RFX7: variants seen among roughly 807,000 people sequenced by gnomAD.
RFX7 encodes the protein DNA-binding protein RFX7.
Under a neutral mutation model 111.8 loss-of-function variants are expected in RFX7, and 26 were observed. That is an observed-to-expected ratio of 0.23 (90% CI 0.17 to 0.32). The LOEUF (loss-of-function observed/expected upper bound fraction) is 0.32. Among genes scored for constraint, RFX7 ranks in the 10% least tolerant of loss-of-function variants. The pLI, the probability that RFX7 is intolerant of heterozygous loss-of-function variation, is 1.00. For missense variants in RFX7, 1,573 were observed against 1,772.9 expected, an observed-to-expected ratio of 0.89 and a Z score of 2.02; for synonymous variants, 624 against 624.4, an observed-to-expected ratio of 1.00 and a Z score of 0.01.
chr15:56,098,120 A>G lies in RFX7; in HGVS notation c.1068T>C (p.Pro356=). The G allele has an allele frequency of 6.2e-7, 1 of 1,613,928 alleles. No homozygotes were observed. Among genetic ancestry groups the G allele is most frequent in the African/African-American group, 1.3e-5 (1 of 75,052 alleles). Residue 356 remains proline, a synonymous_variant, in exon 9 of 10, where the codon CCT becomes CCC. Transcript: ENST00000559447. ...GGACAGCTGCCACAACGATACCAAT[A>G]GGTTGAGGAGAAAGGATTGAAGGAT... ...NGNPSILSPQ[P]IGIVVAAVPS...
At chr15:56,243,391 G>A (rs1257024004) in intron 1 of RFX7, 54 bp downstream of exon 1, 45 of 891,374 alleles carry the variant, frequency 5.0e-5, no homozygotes, top group Middle Eastern at 1.0e-3. Context: ...GAGGGGGAGG[G>A]GGAGGGGAAG....
At position 56,140,541 on chromosome 15, in the gene RFX7, A is replaced by G. The variant is rs568103603; in HGVS notation, c.401+2237T>C. ...TGGCACTCCCTAGTGAGATGAACCC[A>G]GTACCTCAGATGGAAATGCAGAAAT... On this transcript the variant is annotated intron_variant, in intron 5 of 9. Coordinates refer to ENST00000559447, the MANE Select transcript of RFX7 (RefSeq NM_022841.7). Among the ~76,000 whole-genome samples, 891 of 152,326 alleles carry G rather than the reference A, an allele frequency of 5.8e-3. 4 individuals carry two copies. The highest frequency in any genetic ancestry group is 0.01 in the Middle Eastern group (3 of 294).
At chr15:56,220,127 T>C (rs1333329501) in intron 2 of RFX7, among the ~76,000 whole-genome samples, 1 of 152,200 alleles carries the variant, frequency 6.6e-6, no homozygotes. Flanking sequence ...CTCTAATGAT[T>C]AGTGATGTTC....
chr15:56,133,964 C>A (rs926438287), intron 5 of RFX7, among the ~76,000 whole-genome samples: 1 of 152,118 alleles, frequency 6.6e-6, no homozygotes. Context: ...TGCACGTATA[C>A]TAACCATATG....
At chr15:56,139,758 T>C (rs1237302789) in intron 5 of RFX7, among the ~76,000 whole-genome samples, 2 of 151,884 alleles carry the variant, frequency 1.3e-5, no homozygotes, top group Non-Finnish European at 2.9e-5. Context: ...TATCTACTTT[T>C]GGTCTTTGAT....
At chr15:56,175,127 T>C (rs1323552318) in intron 3 of RFX7, among the ~76,000 whole-genome samples, 1 of 152,170 alleles carries the variant, frequency 6.6e-6, no homozygotes, top group Admixed American at 6.5e-5. Context: ...GTTTGCAGGT[T>C]ACAAGATCAC....
At chr15:56,242,511 C>T (rs2043708790) in intron 2 of RFX7, among the ~76,000 whole-genome samples, 1 of 152,052 alleles carries the variant, frequency 6.6e-6, no homozygotes, top group African/African-American at 2.4e-5. Context: ...AAAAAAACCA[C>T]TTTGTTGTAA....
chr15:56,194,062 G>T (rs1387708940), intron 2 of RFX7, among the ~76,000 whole-genome samples: 1 of 152,014 alleles, frequency 6.6e-6, no homozygotes, highest in East Asian at 1.9e-4. Flanking sequence ...ATCACAGAAA[G>T]AACATTTAGA....
chr15:56,115,127 A>C (rs2041993948), intron 5 of RFX7, among the ~76,000 whole-genome samples: 2 of 152,118 alleles, frequency 1.3e-5, no homozygotes, highest in Admixed American at 6.5e-5. Context: ...CTCCTGCCTC[A>C]GCCTCCCGAG....
In RFX7 at chr15:56,089,315, T is replaced by C. The variant is rs2041567611; in HGVS notation, c.*4030A>G. On this transcript the variant is annotated 3_prime_UTR_variant, in exon 10 of 10. Coordinates refer to ENST00000559447, the MANE Select transcript of RFX7 (RefSeq NM_022841.7). ...TATAACATCTGAGCTGTGGCAGCCA[T>C]CTTGTGACTATGAGGTAATAGACAC... The C allele has an allele frequency of 6.6e-6, 1 of 152,516 alleles. No individual in the cohort carries two copies. The highest frequency in any genetic ancestry group is 1.5e-5 in the Non-Finnish European group (1 of 68,020). The allele number at this position is 152,516 out of a possible 1,614,324, so 9.4% of individuals were successfully genotyped here. A position where few individuals can be genotyped will look rare whatever the true frequency, so the allele number is the denominator to read the frequency against.
chr15:56,097,041 C>G (rs1437300796), intron 9 of RFX7, among the ~76,000 whole-genome samples: 2 of 152,192 alleles, frequency 1.3e-5, no homozygotes, highest in African/African-American at 4.8e-5. Flanking sequence ...CCTTAAATGT[C>G]TGTAACTAAA....
chr15:56,143,875 G>A (rs2042434321), intron 4 of RFX7, among the ~76,000 whole-genome samples: 1 of 152,076 alleles, frequency 6.6e-6, no homozygotes. Flanking sequence ...TTAAAAATTA[G>A]AATGACTGAA....
chr15:56,190,185 G>A (rs752225211), intron 2 of RFX7, among the ~76,000 whole-genome samples: 1 of 152,222 alleles, frequency 6.6e-6, no homozygotes, highest in Non-Finnish European at 1.5e-5. Flanking sequence ...GTCTCAGGAT[G>A]AGGCTTCCCT....
chr15:56,175,603 T>C (rs765066630), intron 3 of RFX7, among the ~76,000 whole-genome samples: 4 of 152,234 alleles, frequency 2.6e-5, no homozygotes, highest in South Asian at 2.1e-4. Flanking sequence ...ATTTTTGATA[T>C]AGGAAGTGAC....
intron 3 of RFX7, among the ~76,000 whole-genome samples, chr15:56,177,898 C>T (rs1290096027): frequency 6.6e-6 from 1 of 152,106 alleles, no homozygotes; most frequent in Admixed American, 6.6e-5. Context: ...TCCCTCCACT[C>T]CCAGTCACCA....
intron 5 of RFX7, among the ~76,000 whole-genome samples, chr15:56,109,278 C>T (rs1197258951): frequency 2.2e-4 from 34 of 152,388 alleles, no homozygotes; most frequent in Non-Finnish European, 4.0e-4. Flanking sequence ...CAGCTCCTAA[C>T]CGCGAGTGAT....
rs1176494664 is a variant in RFX7, at chr15:56,179,280, T to C, written c.185A>G (p.Asp62Gly). 1 of 1,291,788 alleles carries C rather than the reference T, an allele frequency of 7.7e-7. No individual in the cohort carries two copies. Among genetic ancestry groups the C allele is most frequent in the East Asian group, 5.0e-5 (1 of 20,134 alleles). 80.0% of individuals were successfully genotyped at this position (1,291,788 alleles called of 1,614,324 possible). A position where few individuals can be genotyped will look rare whatever the true frequency, so the allele number is the denominator to read the frequency against. ...AGTTATTTCACTTACCAAAATGCAG[T>C]CCACTTTAGATTGTACAGTTTTGCT... ...SICKTVQSKV[D>G]CILQEVEKFT... Residue 62 changes from aspartate (D) to glycine (G), a missense_variant, in exon 3 of 10, where the codon GAC (aspartate) becomes GGC (glycine). Physicochemically the swap from Asp to Gly is moderately conservative, Grantham distance 94. Transcript: ENST00000559447.
intron 3 of RFX7, among the ~76,000 whole-genome samples, chr15:56,155,006 G>A (rs1034863959): frequency 6.6e-6 from 1 of 152,178 alleles, no homozygotes; most frequent in Non-Finnish European, 1.5e-5. Context: ...CATTTATGCA[G>A]CCAACAGACA....
intron 2 of RFX7, among the ~76,000 whole-genome samples, chr15:56,192,169 A>T (rs1418019075): frequency 6.6e-6 from 1 of 152,130 alleles, no homozygotes; most frequent in Non-Finnish European, 1.5e-5. Flanking sequence ...TAATGGTGGA[A>T]TCTGTTACTA....
Sources: gnomAD v4.1 joint callset for allele counts (sites outside exome capture counted in the v4.1 genomes callset) on GRCh38, gnomAD v4.1.1 for gene constraint, MANE v1.5 for transcripts, NCBI Gene and HGNC (gene_info 2026-07-23, HGNC 2026-07-21) for gene names.